POU6F2: variants seen among roughly 807,000 people sequenced by gnomAD.
The protein encoded by POU6F2 is POU domain, class 6, transcription factor 2.
A neutral mutation model predicts 71.3 loss-of-function variants in POU6F2; 31 were observed. The observed-to-expected ratio is 0.43, with a 90% CI of 0.33 to 0.59. POU6F2 has a LOEUF of 0.59. POU6F2 is among the 20% of genes least tolerant of loss of function. POU6F2 has a pLI of 0.04. For synonymous variants in POU6F2, 347 were observed against 355.7 expected, an observed-to-expected ratio of 0.98 and a Z score of 0.27; for missense variants, 783 against 856.8, an observed-to-expected ratio of 0.91 and a Z score of 1.07.
intron 7 of POU6F2, among the ~76,000 whole-genome samples, chr7:39,445,032 A>G (rs554073373): frequency 6.6e-6 from 1 of 152,338 alleles, no homozygotes; most frequent in Admixed American, 6.5e-5. Context: ...AAGGCACTCA[A>G]TTTTTCCTCA....
chr7:39,015,331 TA>T (rs1584499768), intron 1 of POU6F2, among the ~76,000 whole-genome samples: 1 of 135,508 alleles, frequency 7.4e-6, no homozygotes, highest in East Asian at 2.1e-4. Flanking sequence ...ATATAATATA[TA>T]TTATAATATA....
At chr7:39,324,845 G>A (rs1187606115) in intron 4 of POU6F2, among the ~76,000 whole-genome samples, 1 of 152,288 alleles carries the variant, frequency 6.6e-6, no homozygotes, top group East Asian at 1.9e-4. Flanking sequence ...GCAGCAGAGT[G>A]TAGAATTAAT....
At chr7:39,065,116 C>T (rs901157689) in intron 1 of POU6F2, among the ~76,000 whole-genome samples, 2 of 151,714 alleles carry the variant, frequency 1.3e-5, no homozygotes, top group African/African-American at 4.8e-5. Flanking sequence ...TTTGATCTTA[C>T]GTATCTGTAG....
At chr7:39,442,555 C>T (rs1381946883) in intron 7 of POU6F2, among the ~76,000 whole-genome samples, 1 of 152,146 alleles carries the variant, frequency 6.6e-6, no homozygotes, top group Middle Eastern at 3.2e-3. Flanking sequence ...GACTTTTCTT[C>T]CCCCCATCTC....
chr7:39,335,229 A>G (rs1252075757), intron 4 of POU6F2, among the ~76,000 whole-genome samples: 1 of 152,290 alleles, frequency 6.6e-6, no homozygotes, highest in Non-Finnish European at 1.5e-5. Flanking sequence ...GTTGCTTATA[A>G]TAACAGCCAT....
chr7:39,073,076 A>G (rs114298692), intron 1 of POU6F2, among the ~76,000 whole-genome samples: 159 of 152,152 alleles, frequency 1.0e-3, no homozygotes, highest in Middle Eastern at 0.01. Context: ...TACATTTCTC[A>G]TTGTCCCTAG....
At chr7:39,318,336 A>T (rs902594099) in intron 4 of POU6F2, among the ~76,000 whole-genome samples, 10 of 152,178 alleles carry the variant, frequency 6.6e-5, no homozygotes, top group African/African-American at 2.4e-4. Context: ...AGGGTATGTA[A>T]TCAAAATCTG....
At chr7:39,068,490 C>CATATATAT (rs3057275) in intron 1 of POU6F2, among the ~76,000 whole-genome samples, 8 of 146,718 alleles carry the variant, frequency 5.5e-5, no homozygotes, top group South Asian at 2.1e-4. Flanking sequence ...CTAGTACATG[C>CATATATAT]ATATATATAT....
chr7:39,293,628 C>G (rs1562779663), intron 4 of POU6F2, among the ~76,000 whole-genome samples: 1 of 152,176 alleles, frequency 6.6e-6, no homozygotes, highest in East Asian at 1.9e-4. Flanking sequence ...GTTCACTGGA[C>G]TGTGTGTGAA....
chr7:39,034,866 C>T (rs1231525431), intron 1 of POU6F2, among the ~76,000 whole-genome samples: 2 of 151,746 alleles, frequency 1.3e-5, no homozygotes, highest in South Asian at 2.1e-4. Flanking sequence ...GAGGGGATGC[C>T]GAGTTCTCTG....
At chr7:39,323,475 C>T (rs1176337924) in intron 4 of POU6F2, among the ~76,000 whole-genome samples, 4 of 152,152 alleles carry the variant, frequency 2.6e-5, no homozygotes, top group Non-Finnish European at 4.4e-5. Flanking sequence ...AGTGGGACAT[C>T]CCCGTCTGCT....
intron 5 of POU6F2, among the ~76,000 whole-genome samples, chr7:39,342,514 T>A (rs1175032379): frequency 6.6e-6 from 1 of 152,252 alleles, no homozygotes; most frequent in East Asian, 1.9e-4. Context: ...TTTATCTTTT[T>A]ACATTATTCA....
intron 1 of POU6F2, among the ~76,000 whole-genome samples, chr7:39,062,273 T>C (rs1790673722): frequency 2.0e-5 from 3 of 152,074 alleles, no homozygotes; most frequent in Admixed American, 1.3e-4. Flanking sequence ...TATATTACCA[T>C]GAAAATAATT....
At chr7:39,293,590 C>T (rs142582598) in intron 4 of POU6F2, among the ~76,000 whole-genome samples, 2 of 152,296 alleles carry the variant, frequency 1.3e-5, no homozygotes, top group East Asian at 3.9e-4. Context: ...GGGAAGCAGG[C>T]CCACTTCCTG....
chr7:39,021,143 TA>T (rs905553260), intron 1 of POU6F2, among the ~76,000 whole-genome samples: 2 of 151,944 alleles, frequency 1.3e-5, no homozygotes, highest in African/African-American at 4.8e-5. Context: ...AATTGATGAA[TA>T]AATATTATAT....
chr7:39,287,167 G>A (rs1484883789), intron 4 of POU6F2, among the ~76,000 whole-genome samples: 1 of 152,078 alleles, frequency 6.6e-6, no homozygotes, highest in Non-Finnish European at 1.5e-5. Flanking sequence ...AGCCCAACAA[G>A]CAATGTTTGC....
chr7:39,340,156 A>G (rs1006771654), intron 5 of POU6F2, 141 bp downstream of exon 5: 3 of 1,230,536 alleles, frequency 2.4e-6, no homozygotes, highest in Non-Finnish European at 3.2e-6. Context: ...TCTCTTAGAC[A>G]TAGGGAAGAA....
chr7:39,008,841 G>A (rs1231796954), intron 1 of POU6F2, among the ~76,000 whole-genome samples: 12 of 148,516 alleles, frequency 8.1e-5, no homozygotes, highest in South Asian at 6.5e-4. Context: ...GTAGATATGC[G>A]GCGTTATTTC....
chr7:39,337,874 T>C (rs763427410), intron 4 of POU6F2, among the ~76,000 whole-genome samples: 1 of 152,170 alleles, frequency 6.6e-6, no homozygotes, highest in African/African-American at 2.4e-5. Flanking sequence ...CCAAGCAATA[T>C]GAACTTACGG....
Sources: allele counts gnomAD v4.1 joint callset (sites outside exome capture counted in the v4.1 genomes callset), GRCh38; gene constraint gnomAD v4.1.1; transcripts MANE v1.5; gene names NCBI Gene and HGNC (gene_info 2026-07-23, HGNC 2026-07-21).